The following SOX5 variants were observed in gnomAD, a reference collection of about 807,000 sequenced individuals.
SOX5 encodes the protein transcription factor SOX-5.
Under a neutral mutation model 92.0 loss-of-function variants are expected in SOX5, and 9 were observed. That is an observed-to-expected ratio of 0.10 (90% confidence interval 0.06 to 0.17). SOX5 has a LOEUF of 0.17. Ranked by LOEUF, SOX5 falls within the 10% of genes least tolerant of loss-of-function variation. The pLI is 1.00. For synonymous variants in SOX5, 344 were observed against 336.3 expected, an observed-to-expected ratio of 1.02 and a Z score of -0.25; for missense variants, 642 against 944.5, an observed-to-expected ratio of 0.68 and a Z score of 4.20.
At chr12:24,435,688 GAAT>G (rs1350940073) in intron 1 of SOX5, among the ~76,000 whole-genome samples, 7 of 151,886 alleles carry the variant, frequency 4.6e-5, no homozygotes, top group Non-Finnish European at 1.0e-4. Context: ...AGATCACAAT[GAAT>G]AATACACAAG....
chr12:24,039,525 C>A (rs115027133), intron 4 of SOX5, among the ~76,000 whole-genome samples: 1 of 152,094 alleles, frequency 6.6e-6, no homozygotes, highest in Non-Finnish European at 1.5e-5. Context: ...AACATTCTCA[C>A]CTATATATTA....
chr12:23,720,194 T>C (rs2092736691), intron 6 of SOX5, among the ~76,000 whole-genome samples: 1 of 152,004 alleles, frequency 6.6e-6, no homozygotes, highest in Non-Finnish European at 1.5e-5. Flanking sequence ...TTTAAAACAA[T>C]AGGAAACTAA....
At chr12:24,531,920 G>A (rs558535062) in intron 1 of SOX5, among the ~76,000 whole-genome samples, 1 of 152,174 alleles carries the variant, frequency 6.6e-6, no homozygotes, top group Admixed American at 6.5e-5. Context: ...TTCAGTCGTC[G>A]GACCTCAAGG....
chr12:24,518,680 C>T (rs144371472), intron 1 of SOX5, among the ~76,000 whole-genome samples: 12 of 151,924 alleles, frequency 7.9e-5, no homozygotes, highest in African/African-American at 2.2e-4. Flanking sequence ...TAAGAGAATG[C>T]GCCAAGATAT....
rs920920709 is a variant in SOX5 at position 23,533,443 on chromosome 12, G to T, written c.*776C>A. ...ATTTAACACTGTCCTAACTTAAGAA[G>T]GAAAAGGAAAAAGTAAAGAGAAAAA... On this transcript the variant is annotated 3_prime_UTR_variant, in exon 15 of 15. Coordinates refer to ENST00000451604, the MANE Select transcript of SOX5 (RefSeq NM_006940.6). 1 of 188,944 alleles carries T rather than the reference G, an allele frequency of 5.3e-6. No individual in the cohort carries two copies. The highest frequency in any genetic ancestry group is 2.4e-5 in the African/African-American group (1 of 42,464). 11.7% of individuals were successfully genotyped at this position (188,944 alleles called of 1,614,324 possible). A position where few individuals can be genotyped will look rare whatever the true frequency, so the allele number is the denominator to read the frequency against.
At chr12:24,141,851 G>T (rs1286728926) in intron 4 of SOX5, among the ~76,000 whole-genome samples, 1 of 152,142 alleles carries the variant, frequency 6.6e-6, no homozygotes, top group African/African-American at 2.4e-5. Context: ...GGGGTATGGA[G>T]AATGTAAATG....
intron 3 of SOX5, among the ~76,000 whole-genome samples, chr12:23,842,605 A>C (rs2096531926): frequency 6.6e-6 from 1 of 152,194 alleles, no homozygotes; most frequent in Admixed American, 6.5e-5. Context: ...CACTGGAGCA[A>C]GAAATATACA....
intron 4 of SOX5, among the ~76,000 whole-genome samples, chr12:24,036,694 G>A (rs1956075695): frequency 6.6e-6 from 1 of 152,072 alleles, no homozygotes; most frequent in Non-Finnish European, 1.5e-5. Context: ...TGATTCAAAT[G>A]CATTTCTACA....
rs562665137 is a variant in SOX5 at position 24,360,392 on chromosome 12, A to G, written c.-174+8171T>C. ...CATTCTTATTTGATGAATAGTCCTT[A>G]TGTTTTATTATTCTCATGGAAATTC... On this transcript the variant is annotated intron_variant, in intron 2 of 4. Coordinates refer to the SOX5 transcript ENST00000446891. Among the ~76,000 whole-genome samples the G allele has an allele frequency of 4.6e-5, 7 of 152,280 alleles. No homozygotes were observed. In the South Asian group the frequency reaches 1.4e-3, roughly 32 times the overall value.
At chr12:23,760,436 A>G (rs996336400) in intron 3 of SOX5, among the ~76,000 whole-genome samples, 8 of 152,134 alleles carry the variant, frequency 5.3e-5, no homozygotes, top group African/African-American at 1.9e-4. Flanking sequence ...AAAATAAAAT[A>G]TACCCTTCAT....
intron 1 of SOX5, among the ~76,000 whole-genome samples, chr12:24,420,712 T>C (rs1387687411): frequency 6.6e-6 from 1 of 152,192 alleles, no homozygotes; most frequent in East Asian, 1.9e-4. Context: ...CAAGATGATA[T>C]AATTAGGTTA....
At chr12:23,659,458 C>T (rs898545065) in intron 7 of SOX5, among the ~76,000 whole-genome samples, 2 of 152,114 alleles carry the variant, frequency 1.3e-5, no homozygotes, top group African/African-American at 2.4e-5. Context: ...TTTATTTAAG[C>T]TAATCTCATG....
chr12:23,783,093 C>G (rs1052632757), intron 3 of SOX5, among the ~76,000 whole-genome samples: 1 of 152,106 alleles, frequency 6.6e-6, no homozygotes, highest in Non-Finnish European at 1.5e-5. Flanking sequence ...TCTCTTATAT[C>G]ATGTTGATTC....
intron 3 of SOX5, among the ~76,000 whole-genome samples, chr12:24,241,394 T>A (rs1965530534): frequency 6.6e-6 from 1 of 152,216 alleles, no homozygotes; most frequent in Non-Finnish European, 1.5e-5. Flanking sequence ...AACAGAATAC[T>A]TTCTCTAAAT....
intron 1 of SOX5, among the ~76,000 whole-genome samples, chr12:24,424,123 G>A (rs755360391): frequency 1.4e-4 from 21 of 152,192 alleles, no homozygotes; most frequent in Non-Finnish European, 2.5e-4. Flanking sequence ...GAATTTCAGG[G>A]GCAAATAGCA....
intron 3 of SOX5, among the ~76,000 whole-genome samples, chr12:23,835,665 C>T (rs2096402955): frequency 1.3e-5 from 2 of 151,700 alleles, no homozygotes; most frequent in Admixed American, 6.6e-5. Flanking sequence ...TTATTCAATA[C>T]TATTAAATAT....
chr12:24,160,054 C>G (rs1952593174), intron 4 of SOX5, among the ~76,000 whole-genome samples: 1 of 151,922 alleles, frequency 6.6e-6, no homozygotes, highest in Admixed American at 6.6e-5. Context: ...ATAGATCACT[C>G]CCTCGAACAA....
At chr12:23,721,683 A>G (rs1273329455) in intron 6 of SOX5, among the ~76,000 whole-genome samples, 5 of 152,180 alleles carry the variant, frequency 3.3e-5, no homozygotes, top group East Asian at 1.9e-4. Flanking sequence ...TTACAGCAAT[A>G]TAAACATTAG....
At chr12:23,977,788 C>CT (rs150712403) in intron 4 of SOX5, among the ~76,000 whole-genome samples, 54,312 of 151,590 alleles carry the variant, frequency 0.36, 10,374 homozygotes, top group East Asian at 0.56. Context: ...TAAATGCCTT[C>CT]CTTGTTCCTC....
Sources: gnomAD v4.1 joint callset for allele counts (sites outside exome capture counted in the v4.1 genomes callset) on GRCh38, gnomAD v4.1.1 for gene constraint, MANE v1.5 for transcripts, NCBI Gene and HGNC (gene_info 2026-07-23, HGNC 2026-07-21) for gene names.